SESN2: variants seen among roughly 807,000 people sequenced by gnomAD.
SESN2 encodes the protein sestrin 2.
SESN2 carries 42 observed loss-of-function variants against 56.0 expected under a neutral mutation model. The observed-to-expected ratio is 0.75, with a 90% confidence interval of 0.59 to 0.97. The LOEUF (loss-of-function observed/expected upper bound fraction) is 0.97, where lower values mean the gene tolerates loss of function less well. SESN2 is among the 50% of genes least tolerant of loss of function. The pLI is 0.00. For missense variants in SESN2, 507 were observed against 649.4 expected, an observed-to-expected ratio of 0.78 and a Z score of 2.38; for synonymous variants, 264 against 267.1, an observed-to-expected ratio of 0.99 and a Z score of 0.11.
At chr1:28,277,112 G>T (rs1428671148) in intron 8 of SESN2, among the ~76,000 whole-genome samples, 49 of 150,632 alleles carry the variant, frequency 3.3e-4, no homozygotes, top group Non-Finnish European at 5.3e-4. Context: ...TTTCAGCCTG[G>T]TAGCCAGGAT....
chr1:28,275,286 T>C (rs774712505), intron 8 of SESN2, among the ~76,000 whole-genome samples: 1 of 147,224 alleles, frequency 6.8e-6, no homozygotes, highest in Non-Finnish European at 1.5e-5. Context: ...TATATACACA[T>C]ATACATGCAT....
chr1:28,267,426 G>A (rs1182630457), intron 1 of SESN2, among the ~76,000 whole-genome samples: 1 of 152,162 alleles, frequency 6.6e-6, no homozygotes, highest in Non-Finnish European at 1.5e-5. Context: ...AGACTTTGTA[G>A]TCTTCTGGAG....
In SESN2 at chr1:28,274,832, C is replaced by G; in HGVS notation, c.1028C>G (p.Thr343Ser). 3 of 1,612,466 alleles carry G rather than the reference C, an allele frequency of 1.9e-6. No homozygotes were observed. Among genetic ancestry groups the G allele is most frequent in the Non-Finnish European group, 2.5e-6 (3 of 1,178,874 alleles). ...APPTFRAQDY[T>S]WEDHGYSLIQ... ...CCTTCCCACCTACCTAAGGATTATA[C>G]CTGGGAAGACCATGGCTACTCGCTG... is the stretch of plus-strand genomic sequence containing the variant. The change falls in exon 8 of 10, where the codon ACC becomes AGC. Residue 343 changes from threonine to serine, a missense_variant. By Grantham distance (58) the Thr-to-Ser change is moderately conservative. Transcript: ENST00000253063.
At chr1:28,273,233 TG>T in intron 5 of SESN2, 124 bp from the exon 6 acceptor site, 1 of 876,388 alleles carries the variant, frequency 1.1e-6, no homozygotes, top group Non-Finnish European at 1.7e-6. Context: ...GCACAGTGGC[TG>T]GCACAGAGGA....
At chr1:28,276,499 T>C (rs748408843) in intron 8 of SESN2, among the ~76,000 whole-genome samples, 57 of 151,508 alleles carry the variant, frequency 3.8e-4, no homozygotes, top group Admixed American at 2.5e-3. Flanking sequence ...AAAATAAAAT[T>C]TAAAAAAAAT....
intron 7 of SESN2, 56 bp downstream of exon 7, chr1:28,274,214 G>A: frequency 8.6e-7 from 1 of 1,156,978 alleles, no homozygotes; most frequent in Non-Finnish European, 1.3e-6. Flanking sequence ...ACAAGCAGTG[G>A]GTGGATAGTT....
chr1:28,264,092 G>A (rs1208017682), intron 1 of SESN2, among the ~76,000 whole-genome samples: 3 of 149,760 alleles, frequency 2.0e-5, no homozygotes, highest in South Asian at 4.2e-4. Flanking sequence ...GGCCAGGCAC[G>A]GTGGCTCAAA....
At position 28,259,809 on chromosome 1, in the gene SESN2, G is replaced by C. The variant is rs545889989; in HGVS notation, c.-39G>C. 7.4e-7 allele frequency: 1 copy of C among 1,355,946 alleles called. No homozygotes were observed. The highest frequency in any genetic ancestry group is 3.1e-5 in the East Asian group (1 of 32,042). 84.0% of individuals were successfully genotyped at this position (1,355,946 alleles called of 1,614,324 possible). A position where few individuals can be genotyped will look rare whatever the true frequency, so the allele number is the denominator to read the frequency against. The stretch of plus-strand genomic sequence containing the variant: ...CCCTCCGAAACCCACTCGGGTGCAC[G>C]GGTCGTCGGCGAGCCGCGACCGGGT... On this transcript the variant is annotated 5_prime_UTR_variant, in exon 1 of 10. Coordinates refer to ENST00000253063, the MANE Select transcript of SESN2 (RefSeq NM_031459.5).
At chr1:28,263,434 G>A (rs1647451223) in intron 1 of SESN2, among the ~76,000 whole-genome samples, 1 of 152,124 alleles carries the variant, frequency 6.6e-6, no homozygotes, top group African/African-American at 2.4e-5. Context: ...TGCTTGGGCT[G>A]TATTTCCGTA....
rs539413773 is a variant in SESN2 at position 28,272,880 on chromosome 1, A to G, written c.750+87A>G. On this transcript the variant is annotated intron_variant, in intron 5 of 9. Transcript: ENST00000253063. ...AGAAGCTACTGCTTCCCAATCTCGT[A>G]TCTGCACTACCTGCTGCTATGAGAG... The G allele has an allele frequency of 8.5e-6, 6 of 703,298 alleles. No individual in the cohort carries two copies. In the African/African-American group the frequency reaches 9.0e-5, roughly 11 times the overall value. The allele number at this position is 703,298 out of a possible 1,614,324, so 43.6% of individuals were successfully genotyped here. A position where few individuals can be genotyped will look rare whatever the true frequency, so the allele number is the denominator to read the frequency against.
rs779702789 is a variant in SESN2, at chr1:28,272,400, C to T, written c.471C>T (p.Arg157=). Reference sequence around the variant, plus strand: ...TCCACCGGGCCCCCGAGAAGCTGCGCAAACTCAGCGAGATCAACAAGTTGC... The same window carrying T: ...TCCACCGGGCCCCCGAGAAGCTGCGTAAACTCAGCGAGATCAACAAGTTGC... ...LGLHRAPEKL[R]KLSEINKLLA... is the part of the protein sequence containing the mutation. Residue 157 remains arginine, a synonymous_variant, in exon 4 of 10, where the codon CGC becomes CGT. Coordinates refer to ENST00000253063, the MANE Select transcript of SESN2 (RefSeq NM_031459.5). 4 of 1,613,556 alleles carry T rather than the reference C, an allele frequency of 2.5e-6. No homozygotes were observed. In the South Asian group the frequency reaches 3.3e-5, roughly 13 times the overall value.
intron 3 of SESN2, 131 bp downstream of exon 3, chr1:28,272,002 A>G: frequency 2.1e-6 from 2 of 963,614 alleles, no homozygotes; most frequent in Non-Finnish European, 3.1e-6. Flanking sequence ...ATCTAACTGT[A>G]GAGTTTTGGG....
At chr1:28,271,973 C>T in intron 3 of SESN2, 102 bp downstream of exon 3, 1 of 1,157,036 alleles carries the variant, frequency 8.6e-7, no homozygotes, top group Non-Finnish European at 1.3e-6. Context: ...CATAGACAAG[C>T]AGGGAAAGCC....
In SESN2 at chr1:28,274,890, G is replaced by A. The variant is rs1187731753; in HGVS notation, c.1086G>A (p.Leu362=). 3.1e-6 allele frequency: 5 copies of A among 1,614,070 alleles called. No homozygotes were observed. The highest frequency in any genetic ancestry group is 1.7e-5 in the Admixed American group (1 of 60,008). The change falls in exon 8 of 10, where the codon CTG becomes CTA. Residue 362 remains leucine (L), a synonymous_variant. Transcript: ENST00000253063. ...GGCTTTACCCTGAGGGTGGGCAGCT[G>A]CTGGATGAGAAGTTCCAGGCAGCCT... ...IQRLYPEGGQ[L]LDEKFQAAYS...
rs1456691442 is a variant in SESN2, at chr1:28,259,794, C to T, written c.-54C>T. 1.2e-5 allele frequency: 16 copies of T among 1,311,572 alleles called. No homozygotes were observed. The highest frequency in any genetic ancestry group is 1.6e-5 in the Non-Finnish European group (16 of 1,014,214). 81.2% of individuals were successfully genotyped at this position (1,311,572 alleles called of 1,614,324 possible). A position where few individuals can be genotyped will look rare whatever the true frequency, so the allele number is the denominator to read the frequency against. ...GCTTCATTCGGGCGTCCCTCCGAAACCCACTCGGGTGCACGGGTCGTCGGC... is the reference window on the plus strand; with the variant it reads ...GCTTCATTCGGGCGTCCCTCCGAAATCCACTCGGGTGCACGGGTCGTCGGC... On this transcript the variant is annotated 5_prime_UTR_variant, in exon 1 of 10. Transcript: ENST00000253063.
chr1:28,276,570 C>CTTTTTTTTTTTTTT (rs57474365), intron 8 of SESN2, among the ~76,000 whole-genome samples: 1 of 94,734 alleles, frequency 1.1e-5, no homozygotes, highest in Non-Finnish European at 2.1e-5. Context: ...TTTTTCTTTC[C>CTTTTTTTTTTTTTT]TTTTTTTTTT....
At chr1:28,262,293 GTA>G (rs1314320370) in intron 1 of SESN2, among the ~76,000 whole-genome samples, 1 of 152,076 alleles carries the variant, frequency 6.6e-6, no homozygotes, top group Non-Finnish European at 1.5e-5. Context: ...TCAGATGTGT[GTA>G]TCTTCAGAAA....
chr1:28,276,076 G>A (rs189552029), intron 8 of SESN2, among the ~76,000 whole-genome samples: 106 of 152,234 alleles, frequency 7.0e-4, no homozygotes, highest in South Asian at 1.9e-3. Flanking sequence ...GAGCCTGGGA[G>A]GCAGAGGTTG....
chr1:28,262,025 C>T (rs1450975225), intron 1 of SESN2, among the ~76,000 whole-genome samples: 2 of 152,160 alleles, frequency 1.3e-5, no homozygotes, highest in Non-Finnish European at 2.9e-5. Context: ...AGGTGATCCA[C>T]CTGCCTTGGC....
Sources: allele counts gnomAD v4.1 joint callset (sites outside exome capture counted in the v4.1 genomes callset), GRCh38; gene constraint gnomAD v4.1.1; transcripts MANE v1.5; gene names NCBI Gene and HGNC (gene_info 2026-07-23, HGNC 2026-07-21).